The following SHROOM3 variants were observed in gnomAD, a reference collection of about 807,000 sequenced individuals.
SHROOM3 encodes protein Shroom3.
SHROOM3 carries 47 observed loss-of-function variants against 138.6 expected under a neutral mutation model. That is an observed-to-expected ratio of 0.34 (90% confidence interval 0.27 to 0.43). The LOEUF is 0.43. Among genes scored for constraint, SHROOM3 ranks in the 20% least tolerant of loss-of-function variants. SHROOM3 has a pLI of 1.00. For missense variants in SHROOM3, 2,491 were observed against 2,596.5 expected (o/e 0.96, Z 0.88); for synonymous variants, 1,062 against 1,063.3 (o/e 1.00, Z 0.02).
intron 1 of SHROOM3, among the ~76,000 whole-genome samples, chr4:76,481,875 A>G (rs1579184190): frequency 6.6e-6 from 1 of 152,242 alleles, no homozygotes; most frequent in Admixed American, 6.5e-5. Context: ...AACGTAGTCC[A>G]TCACGGAAAC....
intron 2 of SHROOM3, among the ~76,000 whole-genome samples, chr4:76,640,423 G>A (rs974481537): frequency 2.0e-5 from 3 of 152,164 alleles, no homozygotes; most frequent in African/African-American, 4.8e-5. Context: ...TGTTTGATTA[G>A]CAGCCAGCCA....
At chr4:76,633,652 G>A (rs1389053776) in intron 2 of SHROOM3, among the ~76,000 whole-genome samples, 2 of 91,738 alleles carry the variant, frequency 2.2e-5, no homozygotes, top group African/African-American at 4.7e-5. Context: ...GCGAGACTCC[G>A]TCTCAAAAAA....
chr4:76,565,528 T>C (rs1320942437), intron 2 of SHROOM3, among the ~76,000 whole-genome samples: 1 of 152,224 alleles, frequency 6.6e-6, no homozygotes, highest in Non-Finnish European at 1.5e-5. Context: ...GATCTTACTC[T>C]GTTGCCCAGG....
At chr4:76,689,830 T>G in intron 2 of SHROOM3, 2 of 867,346 alleles carry the variant, frequency 2.3e-6, no homozygotes, top group Non-Finnish European at 2.8e-6. Context: ...TCCCAGGGGC[T>G]TTCACGGCCA....
At chr4:76,650,493 T>G (rs1371362208) in intron 2 of SHROOM3, among the ~76,000 whole-genome samples, 2 of 152,080 alleles carry the variant, frequency 1.3e-5, no homozygotes, top group Non-Finnish European at 2.9e-5. Context: ...ACTTCTGTGT[T>G]TGTTGCAACA....
rs1579212403 is a variant in SHROOM3, at chr4:76,525,335, C to T, written c.169-30274C>T. On this transcript the variant is annotated intron_variant, in intron 1 of 10. Transcript: ENST00000296043. ...AAACCATCAGATCTCGTGAGACTCACTCACTGTCATGAGAACATCATGGGG... is the reference window on the plus strand; with the variant it reads ...AAACCATCAGATCTCGTGAGACTCATTCACTGTCATGAGAACATCATGGGG... 2.6e-5 allele frequency among the ~76,000 whole-genome samples: 4 copies of T among 152,282 alleles called. No individual in the cohort carries two copies. The East Asian group carries it at 7.7e-4, about 29-fold the overall frequency.
intron 1 of SHROOM3, among the ~76,000 whole-genome samples, chr4:76,451,760 C>A (rs147431585): frequency 6.6e-6 from 1 of 152,002 alleles, no homozygotes; most frequent in Non-Finnish European, 1.5e-5. Context: ...ATTGGAAGCA[C>A]AAAACAAAAT....
intron 2 of SHROOM3, among the ~76,000 whole-genome samples, chr4:76,647,008 C>A (rs2110086112): frequency 6.6e-6 from 1 of 152,208 alleles, no homozygotes; most frequent in East Asian, 1.9e-4. Flanking sequence ...GATATGGAAT[C>A]CTAAGTGTTC....
chr4:76,604,081 T>G (rs1360177438), intron 2 of SHROOM3, among the ~76,000 whole-genome samples: 1 of 152,014 alleles, frequency 6.6e-6, no homozygotes, highest in Non-Finnish European at 1.5e-5. Flanking sequence ...CACCTCGGCC[T>G]CCCAAAGTGC....
At position 76,741,644 on chromosome 4, in the gene SHROOM3, G is replaced by T. The variant is rs755757441; in HGVS notation, c.3471G>T (p.Pro1157=). The change falls in exon 5 of 11, where the codon CCG becomes CCT. Residue 1157 remains proline, a synonymous_variant. Transcript: ENST00000296043. The surrounding 1 kb of genome is among the most constrained non-coding windows in gnomAD (Gnocchi z 6.2). ...CCCGCAGGGAGGCCACGCTCCTGCC[G>T]GCCACAGTTGCAGAAACCCAGCAGG... ...LQPRREATLL[P]ATVAETQQAP... is the part of the protein sequence containing the mutation. The T allele has an allele frequency of 2.6e-6, 4 of 1,545,154 alleles. No homozygotes were observed. In the South Asian group the frequency reaches 3.6e-5, roughly 14 times the overall value.
chr4:76,449,282 A>G (rs951397901), intron 1 of SHROOM3, among the ~76,000 whole-genome samples: 2 of 152,134 alleles, frequency 1.3e-5, no homozygotes, highest in African/African-American at 4.8e-5. Context: ...AATTTTATTT[A>G]TATTGCTTCT....
intron 1 of SHROOM3, among the ~76,000 whole-genome samples, chr4:76,531,956 G>A (rs548557340): frequency 2.0e-5 from 3 of 147,358 alleles, no homozygotes; most frequent in South Asian, 2.2e-4. Flanking sequence ...TGTGCACAAC[G>A]TGCAGGTTTG....
chr4:76,770,671 G>A lies in SHROOM3; in HGVS notation c.5395G>A (p.Glu1799Lys). 6.2e-7 allele frequency: 1 copy of A among 1,614,172 alleles called. No homozygotes were observed. Among genetic ancestry groups the A allele is most frequent in the Non-Finnish European group, 8.5e-7 (1 of 1,180,038 alleles). Residue 1799 changes from glutamate (E) to lysine (K), a missense_variant, in exon 10 of 11, where the codon GAG (glutamate) becomes AAG (lysine). By Grantham distance (56) the Glu-to-Lys change is moderately conservative. This residue lies in a region of SHROOM3 where 470 missense variants were observed against 595.0 expected (regional missense o/e 0.79). Transcript: ENST00000296043. ...CACCCACAAGCTGGAGACCCTCCAG[G>A]AGGCGAAGGGGAGCCTGCTCACGGA... The part of the protein sequence containing the change: ...SLTHKLETLQ[E>K]AKGSLLTDIK...
At chr4:76,759,395 C>T (rs1721922786) in intron 8 of SHROOM3, 150 bp from the exon 9 acceptor site, 4 of 1,059,848 alleles carry the variant, frequency 3.8e-6, no homozygotes, top group South Asian at 1.4e-5. Context: ...ATAGTAATCA[C>T]TCATTAGTTA....
At chr4:76,555,860 C>G (rs898141035) in intron 2 of SHROOM3, 97 bp downstream of exon 2, 1 of 1,405,078 alleles carries the variant, frequency 7.1e-7, no homozygotes, top group African/African-American at 1.4e-5. Context: ...GGGTTGGTAG[C>G]TTGGCTTTAA....
At chr4:76,654,250 T>A (rs879441581) in intron 2 of SHROOM3, among the ~76,000 whole-genome samples, 2 of 152,136 alleles carry the variant, frequency 1.3e-5, no homozygotes, top group Non-Finnish European at 1.5e-5. Flanking sequence ...TGGTGTGTGT[T>A]GAGTGTTGGG....
At chr4:76,446,711 T>G (rs1275958215) in intron 1 of SHROOM3, among the ~76,000 whole-genome samples, 1 of 152,136 alleles carries the variant, frequency 6.6e-6, no homozygotes, top group Non-Finnish European at 1.5e-5. Flanking sequence ...AGAACAATGA[T>G]CTGCTGGGGC....
intron 1 of SHROOM3, among the ~76,000 whole-genome samples, chr4:76,448,372 C>A (rs1034768086): frequency 1.3e-5 from 2 of 152,170 alleles, no homozygotes; most frequent in Admixed American, 1.3e-4. Flanking sequence ...GCAACTGACC[C>A]GTCCACATTT....
At chr4:76,436,389 A>G (rs1730564800) in intron 1 of SHROOM3, among the ~76,000 whole-genome samples, 169 bp downstream of exon 1, 1 of 152,162 alleles carries the variant, frequency 6.6e-6, no homozygotes, top group African/African-American at 2.4e-5. Flanking sequence ...TGAAAGAAAA[A>G]TGTGTCTAGC....
Sources: gnomAD v4.1 joint callset for allele counts (sites outside exome capture counted in the v4.1 genomes callset) on GRCh38, gnomAD v4.1.1 for gene constraint, gnomAD v4.1.1 regional missense constraint, Gnocchi (gnomAD v3.1) non-coding constraint, MANE v1.5 for transcripts, NCBI Gene and HGNC (gene_info 2026-07-23, HGNC 2026-07-21) for gene names.